TMC2: variants seen among roughly 807,000 people sequenced by gnomAD.
TMC2 encodes the protein transmembrane channel-like protein 2.
In TMC2, 102 loss-of-function variants were observed where a neutral mutation model predicts 105.9. That is an observed-to-expected ratio of 0.96 (90% confidence interval 0.82 to 1.14). The LOEUF (loss-of-function observed/expected upper bound fraction) is 1.14, where lower values mean the gene tolerates loss of function less well. Among genes scored for constraint, TMC2 ranks in the 50% most tolerant of loss-of-function variants. The pLI is 0.00. For synonymous variants in TMC2, 402 were observed against 422.8 expected (o/e 0.95, Z 0.60); for missense variants, 1,093 against 1,134.3 (o/e 0.96, Z 0.52).
chr20:2,602,277 T>C lies in TMC2; in HGVS notation c.1389T>C (p.Asn463=), dbSNP rs2086357632. 3.7e-6 allele frequency: 6 copies of C among 1,605,244 alleles called. No individual in the cohort carries two copies. The highest frequency in any genetic ancestry group is 5.1e-6 in the Non-Finnish European group (6 of 1,176,502). The change falls in exon 11 of 20, where the codon AAT becomes AAC. Residue 463 remains asparagine, a synonymous_variant. Transcript: ENST00000358864. The part of the protein sequence containing the change: ...KRSQQFSKMQ[N]VSWYERNEVE... ...CTCAGCAATTCTCCAAAATGCAGAATGTCAGCTGGTATGAAAGGAATGAGG... is the reference window on the plus strand; with the variant it reads ...CTCAGCAATTCTCCAAAATGCAGAACGTCAGCTGGTATGAAAGGAATGAGG...
In TMC2 at chr20:2,637,590, A is replaced by G; in HGVS notation, c.2502A>G (p.Glu834=). The G allele has an allele frequency of 1.9e-6, 3 of 1,603,712 alleles. No homozygotes were observed. Among genetic ancestry groups the G allele is most frequent in the Non-Finnish European group, 2.6e-6 (3 of 1,170,608 alleles). Residue 834 remains glutamate, a splice_region_variant and synonymous_variant, in exon 19 of 20, where the codon GAA becomes GAG. Transcript: ENST00000358864. ...KNATQLQLTK[E]ETTPPSASQS... Reference sequence around the variant, plus strand: ...CCACCCAGCTCCAACTCACCAAGGAAGGTAAGCTCTTTGTCATAATGATTA... The same window carrying G: ...CCACCCAGCTCCAACTCACCAAGGAGGGTAAGCTCTTTGTCATAATGATTA...
At chr20:2,611,222 A>G (rs1035036882) in intron 12 of TMC2, among the ~76,000 whole-genome samples, 2 of 152,218 alleles carry the variant, frequency 1.3e-5, no homozygotes, top group African/African-American at 4.8e-5. Flanking sequence ...ACTGGAGTGG[A>G]GCAGAAGAGT....
At chr20:2,544,435 G>A (rs910608916) in intron 2 of TMC2, among the ~76,000 whole-genome samples, 9 of 152,146 alleles carry the variant, frequency 5.9e-5, no homozygotes, top group African/African-American at 2.2e-4. Flanking sequence ...CCCGAATCTA[G>A]AGTCCATGTA....
At chr20:2,545,674 AGAAGAAGAAGAAAGAAGAAG>A (rs576698875) in intron 2 of TMC2, among the ~76,000 whole-genome samples, 3,185 of 143,882 alleles carry the variant, frequency 0.022, 45 homozygotes, top group Non-Finnish European at 0.034. Context: ...AAACAAAAGA[AGAAGAAGAAGAAAGAAGAAG>A]GAAGAAGAAA....
intron 2 of TMC2, among the ~76,000 whole-genome samples, chr20:2,556,588 T>C (rs1014720285): frequency 5.3e-5 from 8 of 152,034 alleles, no homozygotes; most frequent in Non-Finnish European, 8.8e-5. Flanking sequence ...CTGGGCAAGA[T>C]AGTGATACTC....
At chr20:2,566,988 C>A (rs2086068761) in intron 4 of TMC2, among the ~76,000 whole-genome samples, 1 of 152,230 alleles carries the variant, frequency 6.6e-6, no homozygotes, top group Non-Finnish European at 1.5e-5. Context: ...CCATTGCCAA[C>A]CCTGGCAGCA....
chr20:2,587,562 G>T (rs1030483662), intron 7 of TMC2, among the ~76,000 whole-genome samples: 19 of 151,400 alleles, frequency 1.3e-4, no homozygotes, highest in African/African-American at 4.1e-4. Flanking sequence ...AAGAATTTGT[G>T]TAAATTTTCC....
intron 5 of TMC2, among the ~76,000 whole-genome samples, chr20:2,577,640 G>GCA (rs10638330): frequency 0.11 from 16,155 of 143,358 alleles, 975 homozygotes; most frequent in African/African-American, 0.19. Flanking sequence ...TTTGATGGAT[G>GCA]GTGGCTCACA....
chr20:2,584,109 T>G (rs1687692068), intron 7 of TMC2, among the ~76,000 whole-genome samples: 1 of 152,122 alleles, frequency 6.6e-6, no homozygotes, highest in South Asian at 2.1e-4. Context: ...CTTATGATAC[T>G]TCCCCTTAAA....
intron 2 of TMC2, among the ~76,000 whole-genome samples, chr20:2,547,598 G>A (rs1362822599): frequency 1.3e-5 from 2 of 152,156 alleles, no homozygotes; most frequent in Non-Finnish European, 2.9e-5. Context: ...CCTTCTAGGA[G>A]CCCTCTGGGA....
In TMC2 at chr20:2,642,295, TG is replaced by T. The variant is rs565469247; in HGVS notation, c.*947del. Among the ~76,000 whole-genome samples, 171 of 152,168 alleles carry T rather than the reference TG, an allele frequency of 1.1e-3. No homozygotes were observed. Among genetic ancestry groups the T allele is most frequent in the African/African-American group, 3.7e-3 (153 of 41,520 alleles). On this transcript the variant is annotated 3_prime_UTR_variant, in exon 20 of 20. Coordinates refer to ENST00000358864, the MANE Select transcript of TMC2 (RefSeq NM_080751.3). Reference sequence around the variant, plus strand: ...ACCAGTCATGGAGAGTGGGGATTGGTGGGAAGACTGGTGATACCCCAGTACC... The same window carrying T: ...ACCAGTCATGGAGAGTGGGGATTGGTGGAAGACTGGTGATACCCCAGTACC...
chr20:2,642,888 C>T lies in TMC2; in HGVS notation c.*1537C>T, dbSNP rs559720788. 1.0e-3 allele frequency among the ~76,000 whole-genome samples: 157 copies of T among 152,074 alleles called. No individual in the cohort carries two copies. The highest frequency in any genetic ancestry group is 1.8e-3 in the Non-Finnish European group (123 of 68,020). The stretch of plus-strand genomic sequence containing the variant: ...CTGTTACAGCCACCACCCAACCAGG[C>T]CCCCAGGGGTTCTCAGGAGAATCCC... On this transcript the variant is annotated 3_prime_UTR_variant, in exon 20 of 20. Coordinates refer to ENST00000358864, the MANE Select transcript of TMC2 (RefSeq NM_080751.3).
At chr20:2,606,884 C>CTTTCTTTTTTTTTTTT (rs2086396500) in intron 11 of TMC2, among the ~76,000 whole-genome samples, 1 of 88,258 alleles carries the variant, frequency 1.1e-5, no homozygotes, top group African/African-American at 6.0e-5. Flanking sequence ...CCCTTAATTT[C>CTTTCTTTTTTTTTTTT]TTTTTTCTTT....
rs142696897 is a variant in TMC2, at chr20:2,617,654, T to C, written c.2180+343T>C. ...GGGGTACATGTGATATTTGGATACATGTATACAATATATAATGATCAAATC... is the reference window on the plus strand; with the variant it reads ...GGGGTACATGTGATATTTGGATACACGTATACAATATATAATGATCAAATC... On this transcript the variant is annotated intron_variant, in intron 16 of 19. Transcript: ENST00000358864. 926 of 314,638 alleles carry C rather than the reference T, an allele frequency of 2.9e-3. 10 individuals are homozygous for C. The highest frequency in any genetic ancestry group is 0.019 in the African/African-American group (870 of 46,522). The allele number at this position is 314,638 out of a possible 1,614,324, so 19.5% of individuals were successfully genotyped here. A position where few individuals can be genotyped will look rare whatever the true frequency, so the allele number is the denominator to read the frequency against.
chr20:2,595,957 CA>C (rs1397808818), intron 9 of TMC2, among the ~76,000 whole-genome samples: 1 of 152,186 alleles, frequency 6.6e-6, no homozygotes, highest in Non-Finnish European at 1.5e-5. Flanking sequence ...CCCTATCAGG[CA>C]AAAGGAAAAG....
chr20:2,590,854 A>G (rs747942397), intron 7 of TMC2, among the ~76,000 whole-genome samples: 45 of 152,260 alleles, frequency 3.0e-4, no homozygotes, highest in Non-Finnish European at 5.7e-4. Context: ...TTTTCTGTAT[A>G]TTTAATGTCC....
chr20:2,562,952 A>G (rs1380380332), intron 4 of TMC2, among the ~76,000 whole-genome samples: 2 of 149,852 alleles, frequency 1.3e-5, no homozygotes, highest in East Asian at 1.9e-4. Context: ...TATCAAAAAA[A>G]AAAGAAAGAA....
chr20:2,605,014 C>T (rs1171979041), intron 11 of TMC2, among the ~76,000 whole-genome samples: 2 of 152,190 alleles, frequency 1.3e-5, no homozygotes, highest in Admixed American at 1.3e-4. Context: ...ATAGCCAAAT[C>T]GAACAGAAGT....
chr20:2,561,858 G>A lies in TMC2; in HGVS notation c.402G>A (p.Arg134=), dbSNP rs2122834478. The change falls in exon 4 of 20, where the codon AGG becomes AGA. Residue 134 remains arginine, a splice_region_variant and synonymous_variant. Transcript: ENST00000358864. ...EEKSKRQKKP[R]SSSLASSASG... ...GCCTCCGCCCTGGCTCTGCCTCCAG[G>A]TCATCCTCCTTGGCCTCCAGTGCCT... 6.2e-7 allele frequency: 1 copy of A among 1,613,062 alleles called. No homozygotes were observed. Among genetic ancestry groups the A allele is most frequent in the Non-Finnish European group, 8.5e-7 (1 of 1,179,532 alleles).
Sources: allele counts gnomAD v4.1 joint callset (sites outside exome capture counted in the v4.1 genomes callset), GRCh38; gene constraint gnomAD v4.1.1; transcripts MANE v1.5; gene names NCBI Gene and HGNC (gene_info 2026-07-23, HGNC 2026-07-21).